Variants in NAALADL2 observed in about 807,000 individuals in gnomAD.
NAALADL2 encodes the protein N-acetylated alpha-linked acidic dipeptidase like 2.
Under a neutral mutation model 87.2 loss-of-function variants are expected in NAALADL2, and 76 were observed. The observed-to-expected ratio is 0.87, with a 90% CI of 0.72 to 1.05. The LOEUF (loss-of-function observed/expected upper bound fraction) is 1.05, where lower values mean the gene tolerates loss of function less well. Among genes scored for constraint, NAALADL2 ranks in the 50% least tolerant of loss-of-function variants. The pLI, the probability that NAALADL2 is intolerant of heterozygous loss-of-function variation, is 0.00. For missense variants in NAALADL2, 1,089 were observed against 945.8 expected, an observed-to-expected ratio of 1.15 and a Z score of -1.99; for synonymous variants, 354 against 331.0, an observed-to-expected ratio of 1.07 and a Z score of -0.75.
chr3:174,636,958 G>A (rs2108716720), intron 2 of NAALADL2, among the ~76,000 whole-genome samples: 1 of 152,086 alleles, frequency 6.6e-6, no homozygotes, highest in South Asian at 2.1e-4. Context: ...ACAAAATGTG[G>A]TATATATACA....
chr3:174,953,450 C>A (rs1021631314), intron 1 of NAALADL2, among the ~76,000 whole-genome samples: 1 of 151,196 alleles, frequency 6.6e-6, no homozygotes, highest in South Asian at 2.1e-4. Context: ...AAAATCCCTG[C>A]TCTTATGGAG....
chr3:174,441,173 C>T (rs1179505622), intron 1 of NAALADL2: 1 of 152,314 alleles, frequency 6.6e-6, no homozygotes, highest in African/African-American at 2.4e-5. Context: ...GGGCCGCACC[C>T]CTGCGCGGGG....
At chr3:175,379,697 A>C (rs2148980016) in intron 5 of NAALADL2, among the ~76,000 whole-genome samples, 1 of 151,882 alleles carries the variant, frequency 6.6e-6, no homozygotes, top group African/African-American at 2.4e-5. Flanking sequence ...GAGCCACCAC[A>C]CCTGGCCCAC....
At chr3:174,968,379 A>G (rs1399725231) in intron 1 of NAALADL2, among the ~76,000 whole-genome samples, 1 of 152,236 alleles carries the variant, frequency 6.6e-6, no homozygotes, top group Non-Finnish European at 1.5e-5. Context: ...TTTACAGATG[A>G]GGAAGCCAAG....
intron 4 of NAALADL2, among the ~76,000 whole-genome samples, chr3:175,281,293 A>C (rs1754279123): frequency 6.6e-6 from 1 of 151,808 alleles, no homozygotes; most frequent in African/African-American, 2.4e-5. Flanking sequence ...TTTCCTTAGA[A>C]AATTCTTAAA....
chr3:175,302,131 C>T (rs959154631), intron 4 of NAALADL2, among the ~76,000 whole-genome samples: 7 of 152,054 alleles, frequency 4.6e-5, no homozygotes, highest in African/African-American at 7.2e-5. Context: ...CTGAGTTATC[C>T]GATCTATAAT....
At chr3:175,667,241 A>G (rs9853418) in intron 11 of NAALADL2, among the ~76,000 whole-genome samples, 1,134 of 91,484 alleles carry the variant, frequency 0.012, 8 homozygotes, top group Middle Eastern at 0.025. Flanking sequence ...GAAAGAAAGA[A>G]AAAGAAAGAA....
At chr3:175,289,924 A>T (rs574110411) in intron 4 of NAALADL2, among the ~76,000 whole-genome samples, 1 of 152,346 alleles carries the variant, frequency 6.6e-6, no homozygotes, top group East Asian at 1.9e-4. Context: ...CAGTGAAAAG[A>T]CTATTTAAAC....
intron 5 of NAALADL2, among the ~76,000 whole-genome samples, chr3:175,387,780 A>C (rs1327679271): frequency 6.6e-6 from 1 of 152,110 alleles, no homozygotes; most frequent in Non-Finnish European, 1.5e-5. Context: ...CCACTAATAC[A>C]TTTCTTTCCT....
At chr3:174,706,387 T>C (rs1300874874) in intron 2 of NAALADL2, among the ~76,000 whole-genome samples, 1 of 152,174 alleles carries the variant, frequency 6.6e-6, no homozygotes, top group Non-Finnish European at 1.5e-5. Context: ...CCTCATGATT[T>C]TGGGATCTAC....
At chr3:175,094,334 T>C (rs1204279304) in intron 1 of NAALADL2, among the ~76,000 whole-genome samples, 1 of 152,076 alleles carries the variant, frequency 6.6e-6, no homozygotes, top group Non-Finnish European at 1.5e-5. Context: ...GCTAGGAAAT[T>C]GTAGTTTATA....
At chr3:175,556,198 GA>G (rs1448444627) in intron 9 of NAALADL2, among the ~76,000 whole-genome samples, 1 of 152,016 alleles carries the variant, frequency 6.6e-6, no homozygotes, top group Non-Finnish European at 1.5e-5. Flanking sequence ...TCAAACAAGG[GA>G]GAAGCTTTTG....
At chr3:174,985,967 A>G (rs1017968447) in intron 1 of NAALADL2, among the ~76,000 whole-genome samples, 12 of 151,482 alleles carry the variant, frequency 7.9e-5, no homozygotes, top group African/African-American at 2.2e-4. Context: ...AAAACAAAAT[A>G]AAACAAAAAA....
At chr3:174,600,084 C>A (rs915772020) in intron 2 of NAALADL2, among the ~76,000 whole-genome samples, 7 of 151,052 alleles carry the variant, frequency 4.6e-5, no homozygotes, top group African/African-American at 7.3e-5. Context: ...CTATTTTTTT[C>A]AAAAAAAACT....
intron 9 of NAALADL2, among the ~76,000 whole-genome samples, chr3:175,498,616 T>C (rs772240712): frequency 2.6e-4 from 39 of 152,130 alleles, no homozygotes; most frequent in Non-Finnish European, 8.8e-5. Flanking sequence ...TAGGTGATTT[T>C]GCTTTCTAAT....
intron 1 of NAALADL2, among the ~76,000 whole-genome samples, chr3:175,004,277 G>T (rs1748690401): frequency 6.7e-6 from 1 of 149,580 alleles, no homozygotes; most frequent in African/African-American, 2.5e-5. Context: ...CATGCTTGTG[G>T]TCTCAGCCAC....
chr3:174,600,785 A>G (rs1718374053), intron 2 of NAALADL2, among the ~76,000 whole-genome samples: 1 of 152,060 alleles, frequency 6.6e-6, no homozygotes, highest in Non-Finnish European at 1.5e-5. Context: ...GGAGGCACCA[A>G]ACAATTTTAA....
intron 3 of NAALADL2, among the ~76,000 whole-genome samples, chr3:174,829,388 A>G (rs903490107): frequency 6.7e-6 from 1 of 149,340 alleles, no homozygotes; most frequent in African/African-American, 2.5e-5. Context: ...TTCTTGCGAT[A>G]GTTTACTGAG....
intron 13 of NAALADL2, among the ~76,000 whole-genome samples, chr3:175,789,057 T>C (rs1277373455): frequency 6.6e-6 from 1 of 151,852 alleles, no homozygotes; most frequent in East Asian, 1.9e-4. Flanking sequence ...TCTTTTGTTT[T>C]ATTATAAGTA....
Sources: gnomAD v4.1 joint callset for allele counts (sites outside exome capture counted in the v4.1 genomes callset) on GRCh38, gnomAD v4.1.1 for gene constraint, MANE v1.5 for transcripts, NCBI Gene and HGNC (gene_info 2026-07-23, HGNC 2026-07-21) for gene names.